ROBO1: variants seen among roughly 807,000 people sequenced by gnomAD.
ROBO1 encodes roundabout homolog 1.
A neutral mutation model predicts 195.9 loss-of-function variants in ROBO1; 149 were observed. The observed-to-expected ratio is 0.76, with a 90% CI of 0.67 to 0.87. The LOEUF is 0.87. ROBO1 is among the 40% of genes least tolerant of loss of function. The pLI, the probability that ROBO1 is intolerant of heterozygous loss-of-function variation, is 0.00. For missense variants in ROBO1, 1,933 were observed against 2,068.3 expected, an observed-to-expected ratio of 0.93 and a Z score of 1.27; for synonymous variants, 816 against 733.2, an observed-to-expected ratio of 1.11 and a Z score of -1.82.
chr3:79,038,314 A>C (rs1319495738), intron 3 of ROBO1, among the ~76,000 whole-genome samples: 1 of 151,584 alleles, frequency 6.6e-6, no homozygotes, highest in African/African-American at 2.4e-5. Flanking sequence ...AGACAGTAGA[A>C]CCTCGTGGTG....
intron 2 of ROBO1, among the ~76,000 whole-genome samples, chr3:79,397,610 T>C (rs1265450860): frequency 6.6e-6 from 1 of 152,134 alleles, no homozygotes; most frequent in African/African-American, 2.4e-5. Context: ...ACTAAACACA[T>C]AAGCAGACCA....
intron 3 of ROBO1, among the ~76,000 whole-genome samples, chr3:79,066,252 C>A (rs764901771): frequency 1.3e-5 from 2 of 151,768 alleles, no homozygotes; most frequent in South Asian, 2.1e-4. Flanking sequence ...AAGCCAAAAT[C>A]GAGGTTATTT....
chr3:79,574,374 T>G (rs989851715), intron 2 of ROBO1, among the ~76,000 whole-genome samples: 1 of 151,966 alleles, frequency 6.6e-6, no homozygotes, highest in East Asian at 1.9e-4. Flanking sequence ...TTATTCCAAT[T>G]TAATGACTCT....
chr3:79,554,219 T>G (rs771939913), intron 2 of ROBO1, among the ~76,000 whole-genome samples: 21 of 152,040 alleles, frequency 1.4e-4, no homozygotes, highest in Admixed American at 4.6e-4. Context: ...CTATGCAATT[T>G]CATGATACTG....
At chr3:78,625,961 T>C (rs1704745804) in intron 26 of ROBO1, among the ~76,000 whole-genome samples, 2 of 151,718 alleles carry the variant, frequency 1.3e-5, no homozygotes, top group South Asian at 2.1e-4. Flanking sequence ...GAAGGAGAAC[T>C]GAATGAAGAG....
At chr3:78,633,779 CCT>C (rs1380407981) in intron 24 of ROBO1, among the ~76,000 whole-genome samples, 154 bp downstream of exon 24, 1 of 152,070 alleles carries the variant, frequency 6.6e-6, no homozygotes, top group Non-Finnish European at 1.5e-5. Flanking sequence ...GTGGAAAGTC[CCT>C]CAAATTGCAG....
At chr3:78,773,725 C>A (rs28563122) in intron 4 of ROBO1, among the ~76,000 whole-genome samples, 4,427 of 152,264 alleles carry the variant, frequency 0.029, 200 homozygotes, top group African/African-American at 0.1. Context: ...CATCCTTTTT[C>A]ATTGATTCCA....
intron 2 of ROBO1, among the ~76,000 whole-genome samples, chr3:79,293,969 A>G (rs1467522100): frequency 7.0e-6 from 1 of 142,640 alleles, no homozygotes; most frequent in East Asian, 2.1e-4. Context: ...GAGGCAGGAG[A>G]ATGGCGTGAA....
chr3:78,906,817 C>T (rs1170958378), intron 4 of ROBO1, among the ~76,000 whole-genome samples: 4 of 151,894 alleles, frequency 2.6e-5, no homozygotes, highest in Non-Finnish European at 5.9e-5. Flanking sequence ...TACATGTTAA[C>T]GTAAGTAACA....
intron 2 of ROBO1, among the ~76,000 whole-genome samples, chr3:79,422,052 A>G (rs933882809): frequency 1.3e-5 from 2 of 148,964 alleles, no homozygotes; most frequent in Non-Finnish European, 3.0e-5. Flanking sequence ...GTTAAAATGT[A>G]TATTTTATAT....
At chr3:79,638,484 G>T (rs1245243136) in intron 1 of ROBO1, among the ~76,000 whole-genome samples, 1 of 152,120 alleles carries the variant, frequency 6.6e-6, no homozygotes, top group Non-Finnish European at 1.5e-5. Flanking sequence ...TCTGCCACCT[G>T]GCTCAGGATG....
chr3:78,606,782 G>A lies in ROBO1; in HGVS notation c.4695C>T (p.Asn1565=), dbSNP rs1160414370. The change falls in exon 29 of 31, where the codon AAC becomes AAT. Residue 1565 remains asparagine, a synonymous_variant. Transcript: ENST00000464233. ...EQQNDGKGRG[N]KAAKRDLPPA... The stretch of plus-strand genomic sequence containing the variant: ...GTGGAAGGTCTCGTTTTGCTGCCTT[G>A]TTTCCACGTCCTTTCCCGTCATTTT... 1 of 1,613,868 alleles carries A rather than the reference G, an allele frequency of 6.2e-7. No homozygotes were observed. The highest frequency in any genetic ancestry group is 8.5e-7 in the Non-Finnish European group (1 of 1,179,870).
chr3:79,491,216 T>C (rs556623061), intron 2 of ROBO1, among the ~76,000 whole-genome samples: 1,320 of 108,628 alleles, frequency 0.012, 6 homozygotes, highest in Non-Finnish European at 0.017. Context: ...TGGACGGGGA[T>C]CGGCTCTTTT....
chr3:79,499,891 C>T (rs1196418129), intron 2 of ROBO1, among the ~76,000 whole-genome samples: 1 of 152,152 alleles, frequency 6.6e-6, no homozygotes, highest in Non-Finnish European at 1.5e-5. Context: ...TCTGCAACCT[C>T]CGCCTCCCTG....
Position 79,115,105 on chromosome 3 carries a change from C to G in ROBO1, c.172+10351G>C, listed in dbSNP as rs547784391. Among the ~76,000 whole-genome samples, 243 of 152,216 alleles carry G rather than the reference C, an allele frequency of 1.6e-3. 2 individuals carry two copies. The highest frequency in any genetic ancestry group is 5.3e-3 in the African/African-American group (221 of 41,534). ...ATGATTGAGCCTCTGATCAGGGAAA[C>G]CCAAATTTTCCCCAAATCATACAAC... On this transcript the variant is annotated intron_variant, in intron 3 of 30. Coordinates refer to ENST00000464233, the MANE Select transcript of ROBO1 (RefSeq NM_002941.4).
intron 2 of ROBO1, among the ~76,000 whole-genome samples, chr3:79,537,339 G>A (rs1941910673): frequency 6.6e-6 from 1 of 152,158 alleles, no homozygotes; most frequent in South Asian, 2.1e-4. Flanking sequence ...GCATTATGAG[G>A]GCATGGGAAC....
chr3:79,534,199 C>T (rs1013521761), intron 2 of ROBO1, among the ~76,000 whole-genome samples: 1 of 136,838 alleles, frequency 7.3e-6, no homozygotes, highest in African/African-American at 2.7e-5. Flanking sequence ...CCAGAGCATC[C>T]AGAAAAGAAA....
Position 78,734,479 on chromosome 3 carries a change from T to C in ROBO1, c.657+12264A>G, listed in dbSNP as rs147889451. 3.9e-3 allele frequency among the ~76,000 whole-genome samples: 592 copies of C among 152,004 alleles called. 6 individuals are homozygous for C. The highest frequency in any genetic ancestry group is 0.013 in the African/African-American group (527 of 41,446). On this transcript the variant is annotated intron_variant, in intron 5 of 30. Coordinates refer to ENST00000464233, the MANE Select transcript of ROBO1 (RefSeq NM_002941.4). The stretch of plus-strand genomic sequence containing the variant: ...ACATGGCTGAAGTGGGATGATCACC[T>C]GAGCCCAGGAGATTGAGGCTGCAGT...
intron 2 of ROBO1, among the ~76,000 whole-genome samples, chr3:79,497,538 C>T (rs936446747): frequency 1.3e-5 from 2 of 152,032 alleles, no homozygotes; most frequent in African/African-American, 4.8e-5. Context: ...ACAATATTCA[C>T]GAAGAACCAC....
Sources: allele counts gnomAD v4.1 joint callset (sites outside exome capture counted in the v4.1 genomes callset), GRCh38; gene constraint gnomAD v4.1.1; transcripts MANE v1.5; gene names NCBI Gene and HGNC (gene_info 2026-07-23, HGNC 2026-07-21).